GBE1: variants seen among roughly 807,000 people sequenced by gnomAD.
The protein encoded by GBE1 is 1,4-alpha-glucan branching enzyme 1, also known as 1,4-alpha-glucan-branching enzyme.
GBE1 carries 70 observed loss-of-function variants against 88.8 expected under a neutral mutation model. The ratio of observed to expected loss-of-function variants is 0.79; its 90% CI spans 0.65 to 0.96. The LOEUF (loss-of-function observed/expected upper bound fraction) is 0.96. GBE1 is among the 40% of genes least tolerant of loss of function. GBE1 has a pLI of 0.00. For synonymous variants in GBE1, 284 were observed against 300.1 expected, an observed-to-expected ratio of 0.95 and a Z score of 0.56; for missense variants, 872 against 871.0, an observed-to-expected ratio of 1.00 and a Z score of -0.01.
chr3:81,742,865 TGA>T (rs1706366876), intron 1 of GBE1, among the ~76,000 whole-genome samples: 1 of 152,128 alleles, frequency 6.6e-6, no homozygotes, highest in African/African-American at 2.4e-5. Context: ...AAGCGGTATG[TGA>T]GAGAGGTTTT....
At chr3:81,694,254 G>T (rs907317962) in intron 2 of GBE1, among the ~76,000 whole-genome samples, 2 of 151,586 alleles carry the variant, frequency 1.3e-5, no homozygotes, top group African/African-American at 4.8e-5. Flanking sequence ...GGAAGGGAGG[G>T]AAAAAGGGAG....
intron 6 of GBE1, among the ~76,000 whole-genome samples, chr3:81,643,496 AG>A (rs1704721335): frequency 6.6e-6 from 1 of 152,136 alleles, no homozygotes; most frequent in Non-Finnish European, 1.5e-5. Context: ...TCACCACCCA[AG>A]TAAATAAGAT....
intron 1 of GBE1, among the ~76,000 whole-genome samples, chr3:81,708,112 A>G (rs1705803913): frequency 6.6e-6 from 1 of 152,064 alleles, no homozygotes; most frequent in African/African-American, 2.4e-5. Context: ...TTTACTGAGT[A>G]TGTAAAACTA....
At chr3:81,737,340 T>C (rs1706274154) in intron 1 of GBE1, among the ~76,000 whole-genome samples, 2 of 93,382 alleles carry the variant, frequency 2.1e-5, no homozygotes, top group African/African-American at 4.5e-5. Flanking sequence ...TTTTTATATA[T>C]ATTTATATAA....
At chr3:81,613,936 C>CAAA (rs34108399) in intron 7 of GBE1, among the ~76,000 whole-genome samples, 21 of 119,686 alleles carry the variant, frequency 1.8e-4, no homozygotes, top group Middle Eastern at 4.3e-3. Context: ...ACACACACAC[C>CAAA]AAAAAAAAAA....
intron 14 of GBE1, among the ~76,000 whole-genome samples, chr3:81,525,203 C>T (rs1702927345): frequency 6.6e-6 from 1 of 151,864 alleles, no homozygotes; most frequent in Non-Finnish European, 1.5e-5. Flanking sequence ...TAAGAATGTT[C>T]CATCAATACC....
intron 12 of GBE1, among the ~76,000 whole-genome samples, chr3:81,553,285 T>G (rs578191410): frequency 6.6e-6 from 1 of 152,096 alleles, no homozygotes; most frequent in South Asian, 2.1e-4. Flanking sequence ...TTTAAACTCC[T>G]GCAAAAAGGC....
chr3:81,681,911 G>A (rs778095588), intron 2 of GBE1, among the ~76,000 whole-genome samples: 1 of 151,996 alleles, frequency 6.6e-6, no homozygotes, highest in Non-Finnish European at 1.5e-5. Context: ...AGTAGCAAAT[G>A]AAAAAAACAG....
At chr3:81,737,737 G>GT (rs60530974) in intron 1 of GBE1, among the ~76,000 whole-genome samples, 95,709 of 151,540 alleles carry the variant, frequency 0.63, 31,728 homozygotes, top group East Asian at 0.94. Flanking sequence ...AAAAATGTGT[G>GT]TTTTTTATTT....
At chr3:81,667,476 T>C (rs1343194234) in intron 3 of GBE1, among the ~76,000 whole-genome samples, 2 of 152,312 alleles carry the variant, frequency 1.3e-5, no homozygotes, top group Middle Eastern at 3.4e-3. Context: ...GAAGTTCTAA[T>C]ACTATGTTGA....
At chr3:81,510,828 C>T (rs1316202988) in intron 14 of GBE1, among the ~76,000 whole-genome samples, 1 of 151,998 alleles carries the variant, frequency 6.6e-6, no homozygotes, top group Non-Finnish European at 1.5e-5. Flanking sequence ...AGTTCTGAAG[C>T]TGTAATGTAC....
chr3:81,512,442 C>T (rs1702738492), intron 14 of GBE1, among the ~76,000 whole-genome samples: 1 of 151,778 alleles, frequency 6.6e-6, no homozygotes, highest in African/African-American at 2.4e-5. Context: ...TTCATCTGTG[C>T]TTTTGAGTGT....
intron 9 of GBE1, among the ~76,000 whole-genome samples, 179 bp downstream of exon 9, chr3:81,590,858 T>C (rs1283075338): frequency 6.6e-6 from 1 of 152,194 alleles, no homozygotes; most frequent in East Asian, 1.9e-4. Context: ...TATCTTCTAA[T>C]AGGGAAACAG....
chr3:81,692,422 T>G (rs926286115), intron 2 of GBE1, among the ~76,000 whole-genome samples: 1 of 152,208 alleles, frequency 6.6e-6, no homozygotes, highest in Non-Finnish European at 1.5e-5. Context: ...TTGGGCAGTA[T>G]TATGAATAAG....
At chr3:81,729,376 T>C (rs1706156767) in intron 1 of GBE1, among the ~76,000 whole-genome samples, 2 of 152,164 alleles carry the variant, frequency 1.3e-5, no homozygotes, top group Non-Finnish European at 1.5e-5. Flanking sequence ...ATCTGCACAG[T>C]ATGCCTGCAT....
intron 14 of GBE1, among the ~76,000 whole-genome samples, chr3:81,502,784 G>A (rs13070232): frequency 4.2e-4 from 64 of 152,156 alleles, no homozygotes; most frequent in Non-Finnish European, 8.5e-4. Context: ...GTACATACAT[G>A]ATATGGGACC....
chr3:81,615,761 AAC>A (rs1434264896), intron 7 of GBE1, among the ~76,000 whole-genome samples: 1 of 152,206 alleles, frequency 6.6e-6, no homozygotes, highest in Non-Finnish European at 1.5e-5. Context: ...TCTGTGTGAA[AAC>A]AGTTTTAATT....
rs561103974 is a variant in GBE1 at position 81,603,560 on chromosome 3, G to T, written c.993-9537C>A. ...GTCACCCAGGCTGGAGTGCAGTGGC[G>T]CAATCTTGCCTGCAACCTCTGCCTC... On this transcript the variant is annotated intron_variant, in intron 7 of 15. Coordinates refer to ENST00000429644, the MANE Select transcript of GBE1 (RefSeq NM_000158.4). Among the ~76,000 whole-genome samples the T allele has an allele frequency of 4.0e-5, 6 of 151,874 alleles. No homozygotes were observed. The South Asian group carries it at 8.3e-4, about 21-fold the overall frequency.
At chr3:81,693,569 A>T (rs1705551786) in intron 2 of GBE1, among the ~76,000 whole-genome samples, 1 of 152,182 alleles carries the variant, frequency 6.6e-6, no homozygotes, top group African/African-American at 2.4e-5. Context: ...GCATTGCTTG[A>T]ATTTCCAAGA....
Sources: allele counts gnomAD v4.1 joint callset (sites outside exome capture counted in the v4.1 genomes callset), GRCh38; gene constraint gnomAD v4.1.1; transcripts MANE v1.5; gene names NCBI Gene and HGNC (gene_info 2026-07-23, HGNC 2026-07-21).